AKAP13: variants seen among roughly 807,000 people sequenced by gnomAD.
AKAP13 encodes A-kinase anchor protein 13.
A neutral mutation model predicts 264.5 loss-of-function variants in AKAP13; 80 were observed. The ratio of observed to expected loss-of-function variants is 0.30; its 90% CI spans 0.25 to 0.36. AKAP13 has a LOEUF of 0.36. Among genes scored for constraint, AKAP13 ranks in the 10% least tolerant of loss-of-function variants. AKAP13 has a pLI of 1.00. For synonymous variants in AKAP13, 1,380 were observed against 1,250.2 expected, an observed-to-expected ratio of 1.10 and a Z score of -2.19; for missense variants, 3,712 against 3,435.2, an observed-to-expected ratio of 1.08 and a Z score of -2.01.
intron 8 of AKAP13, among the ~76,000 whole-genome samples, 195 bp from the exon 9 acceptor site, chr15:85,639,179 A>G (rs767482054): frequency 5.3e-5 from 8 of 152,082 alleles, no homozygotes; most frequent in African/African-American, 9.7e-5. Context: ...TTTATTGACA[A>G]CCTCTAAAGA....
chr15:85,677,769 C>G (rs1198672991), intron 14 of AKAP13, among the ~76,000 whole-genome samples: 1 of 151,570 alleles, frequency 6.6e-6, no homozygotes, highest in Non-Finnish European at 1.5e-5. Context: ...CGGGTAGCCT[C>G]CTGGGTAGCT....
chr15:85,728,347 G>A (rs2087744961), intron 29 of AKAP13, among the ~76,000 whole-genome samples: 1 of 152,146 alleles, frequency 6.6e-6, no homozygotes, highest in Admixed American at 6.5e-5. Flanking sequence ...TCACTGAGGG[G>A]GAAATTAAAA....
At chr15:85,599,251 G>A (rs550262834) in intron 8 of AKAP13, among the ~76,000 whole-genome samples, 2 of 152,302 alleles carry the variant, frequency 1.3e-5, no homozygotes, top group Admixed American at 1.3e-4. Flanking sequence ...GCAGCTGAAC[G>A]CATTAAAAGG....
At position 85,496,141 on chromosome 15, in the gene AKAP13, G is replaced by C. The variant is rs142344317; in HGVS notation, c.33+10388G>C. Among the ~76,000 whole-genome samples, 12 of 152,248 alleles carry C rather than the reference G, an allele frequency of 7.9e-5. No individual in the cohort carries two copies. In the East Asian group the frequency reaches 1.7e-3, roughly 22 times the overall value. The stretch of plus-strand genomic sequence containing the variant: ...GGTTATTGTATCCACTTTACAGCCA[G>C]GGTGGATGGTAGGGTTCGCATCCTG... On this transcript the variant is annotated intron_variant, in intron 2 of 36. Coordinates refer to ENST00000394518, the MANE Select transcript of AKAP13 (RefSeq NM_007200.5).
intron 12 of AKAP13, among the ~76,000 whole-genome samples, chr15:85,661,702 CAA>C (rs58117703): frequency 0.49 from 75,144 of 151,812 alleles, 19,710 homozygotes; most frequent in Middle Eastern, 0.66. Context: ...GCCTGGGCAA[CAA>C]GAGTGAAACT....
At chr15:85,605,574 G>A (rs2151378274) in intron 8 of AKAP13, among the ~76,000 whole-genome samples, 1 of 152,222 alleles carries the variant, frequency 6.6e-6, no homozygotes, top group South Asian at 2.1e-4. Flanking sequence ...AACAAACATG[G>A]CACATGTTTA....
At chr15:85,550,882 G>C (rs1359973904) in intron 5 of AKAP13, among the ~76,000 whole-genome samples, 2 of 152,138 alleles carry the variant, frequency 1.3e-5, no homozygotes, top group Non-Finnish European at 2.9e-5. Context: ...ACTAGAGAAT[G>C]GGGGAGGAGA....
intron 1 of AKAP13, among the ~76,000 whole-genome samples, chr15:85,442,931 A>G (rs1239882285): frequency 6.6e-6 from 1 of 152,200 alleles, no homozygotes; most frequent in African/African-American, 2.4e-5. Context: ...TTAAAATTAC[A>G]TTAAAATAGC....
intron 6 of AKAP13, 56 bp downstream of exon 6, chr15:85,575,385 A>G (rs1165446561): frequency 6.6e-6 from 10 of 1,514,628 alleles, no homozygotes; most frequent in Non-Finnish European, 8.2e-6. Flanking sequence ...TGTGTTTTGT[A>G]TGTGTGTGTC....
At chr15:85,421,797 C>A (rs905274210) in intron 1 of AKAP13, among the ~76,000 whole-genome samples, 8 of 152,242 alleles carry the variant, frequency 5.3e-5, no homozygotes, top group African/African-American at 1.2e-4. Flanking sequence ...TCATTTTCTA[C>A]TAAAAGTTTA....
intron 8 of AKAP13, among the ~76,000 whole-genome samples, chr15:85,593,008 C>T (rs188304799): frequency 6.6e-5 from 10 of 152,206 alleles, no homozygotes; most frequent in African/African-American, 2.4e-4. Context: ...TAATTTTTGA[C>T]CAGTGTGTGA....
chr15:85,457,320 C>T (rs2074316633), intron 1 of AKAP13, among the ~76,000 whole-genome samples: 1 of 152,110 alleles, frequency 6.6e-6, no homozygotes, highest in Non-Finnish European at 1.5e-5. Context: ...AAATTATCCA[C>T]CAGAAATAAA....
At chr15:85,548,670 A>G (rs2077843335) in intron 5 of AKAP13, among the ~76,000 whole-genome samples, 1 of 152,208 alleles carries the variant, frequency 6.6e-6, no homozygotes, top group Non-Finnish European at 1.5e-5. Context: ...ATTAATAATA[A>G]TAATGACATC....
At chr15:85,473,671 C>A (rs970900748) in intron 1 of AKAP13, among the ~76,000 whole-genome samples, 1 of 152,132 alleles carries the variant, frequency 6.6e-6, no homozygotes, top group Non-Finnish European at 1.5e-5. Context: ...ACTAAACATC[C>A]CATGTCAACT....
At chr15:85,525,361 A>G (rs2076998218) in intron 3 of AKAP13, among the ~76,000 whole-genome samples, 1 of 152,150 alleles carries the variant, frequency 6.6e-6, no homozygotes, top group South Asian at 2.1e-4. Flanking sequence ...CCCAGCCTGA[A>G]TTGTTTAAAT....
At chr15:85,615,665 C>T (rs776489537) in intron 8 of AKAP13, among the ~76,000 whole-genome samples, 3 of 152,128 alleles carry the variant, frequency 2.0e-5, no homozygotes, top group Admixed American at 6.5e-5. Flanking sequence ...TCCTTCCTTC[C>T]CATTTCATGT....
At chr15:85,404,885 G>A (rs148029414) in intron 1 of AKAP13, among the ~76,000 whole-genome samples, 1 of 152,244 alleles carries the variant, frequency 6.6e-6, no homozygotes, top group East Asian at 1.9e-4. Flanking sequence ...TTTTGCCTTC[G>A]TTGCTTGCAC....
At chr15:85,532,201 G>A (rs1208139938) in intron 3 of AKAP13, among the ~76,000 whole-genome samples, 1 of 152,208 alleles carries the variant, frequency 6.6e-6, no homozygotes, top group Admixed American at 6.5e-5. Flanking sequence ...ACAGCAGTGA[G>A]AGATTTCTCT....
chr15:85,498,974 G>A (rs34598679), intron 2 of AKAP13, among the ~76,000 whole-genome samples: 77,100 of 152,020 alleles, frequency 0.51, 20,108 homozygotes, highest in Middle Eastern at 0.61. Context: ...GGATAGTTTT[G>A]AAAAGCCTCC....
Sources: allele counts gnomAD v4.1 joint callset (sites outside exome capture counted in the v4.1 genomes callset), GRCh38; gene constraint gnomAD v4.1.1; transcripts MANE v1.5; gene names NCBI Gene and HGNC (gene_info 2026-07-23, HGNC 2026-07-21).